The following HDAC4 variants were observed in gnomAD, a reference collection of about 807,000 sequenced individuals.
HDAC4 encodes histone deacetylase A.
In HDAC4, 16 loss-of-function variants were observed where a neutral mutation model predicts 135.1. The observed-to-expected ratio is 0.12, with a 90% CI of 0.08 to 0.18. The LOEUF (loss-of-function observed/expected upper bound fraction) is 0.18, where lower values mean the gene tolerates loss of function less well. Ranked by LOEUF, HDAC4 falls within the 10% of genes least tolerant of loss-of-function variation. HDAC4 has a pLI of 1.00. For missense variants in HDAC4, 1,143 were observed against 1,511.8 expected (o/e 0.76, Z 4.05); for synonymous variants, 685 against 653.4 (o/e 1.05, Z -0.74).
rs183883328 is a variant in HDAC4, at chr2:239,353,682, C to A, written c.-219-764G>T. 3.9e-5 allele frequency among the ~76,000 whole-genome samples: 6 copies of A among 152,324 alleles called. No homozygotes were observed. The East Asian group carries it at 1.2e-3, about 29-fold the overall frequency. On this transcript the variant is annotated intron_variant, in intron 1 of 26. Coordinates refer to ENST00000543185, the MANE Select transcript of HDAC4 (RefSeq NM_001378414.1). The stretch of plus-strand genomic sequence containing the variant: ...TGATCTAGAGACACCTTCCTTACCC[C>A]TTCCAGAAGTTTCTCCAACATTAGG...
rs144174960 is a variant in HDAC4 at position 239,331,096 on chromosome 2, A to G, written c.22+21582T>C. On this transcript the variant is annotated intron_variant, in intron 2 of 26. Coordinates refer to ENST00000543185, the MANE Select transcript of HDAC4 (RefSeq NM_001378414.1). The surrounding 1 kb of genome is among the most constrained non-coding windows in gnomAD (Gnocchi z 4.5). ...TGAATACAGCCCAGAGGACATACTG[A>G]GAGAGCGGCCAAGTGAAGCTCTCAG... Among the ~76,000 whole-genome samples the G allele has an allele frequency of 4.0e-3, 602 of 152,330 alleles. 4 individuals are homozygous for G. Among genetic ancestry groups the G allele is most frequent in the African/African-American group, 0.014 (571 of 41,572 alleles).
chr2:239,355,657 C>G (rs549263638), intron 1 of HDAC4, among the ~76,000 whole-genome samples: 8 of 152,310 alleles, frequency 5.3e-5, no homozygotes, highest in African/African-American at 1.7e-4. Flanking sequence ...TTTCCCTCTT[C>G]CATACATTCT....
At chr2:239,170,203 A>G (rs574841714) in intron 5 of HDAC4, among the ~76,000 whole-genome samples, 2 of 152,258 alleles carry the variant, frequency 1.3e-5, no homozygotes, top group Non-Finnish European at 1.5e-5. Context: ...TAGGAAAAAT[A>G]TATCTAGTCT....
intron 2 of HDAC4, among the ~76,000 whole-genome samples, chr2:239,311,381 C>T (rs537586861): frequency 4.6e-4 from 70 of 152,294 alleles, no homozygotes; most frequent in African/African-American, 1.6e-3. Flanking sequence ...ATTTGTCAAG[C>T]GCCGAGCAAA....
intron 1 of HDAC4, among the ~76,000 whole-genome samples, chr2:239,385,882 C>A (rs73106709): frequency 6.6e-6 from 1 of 152,158 alleles, no homozygotes; most frequent in Non-Finnish European, 1.5e-5. Context: ...CCAAGACAGT[C>A]TCCTACAGCT....
intron 2 of HDAC4, among the ~76,000 whole-genome samples, chr2:239,321,986 G>A (rs927665109): frequency 2.0e-5 from 3 of 152,210 alleles, no homozygotes; most frequent in Non-Finnish European, 4.4e-5. Flanking sequence ...TTGTTTAAGC[G>A]GAAGTACACT....
At chr2:239,384,570 T>C (rs921247110) in intron 1 of HDAC4, among the ~76,000 whole-genome samples, 11 of 152,094 alleles carry the variant, frequency 7.2e-5, no homozygotes, top group Admixed American at 5.2e-4. Flanking sequence ...TGAGCCATGA[T>C]TGTCCCACTG....
At chr2:239,298,610 A>T in intron 2 of HDAC4, 1 of 998,720 alleles carries the variant, frequency 1.0e-6, no homozygotes, top group Non-Finnish European at 1.2e-6. Context: ...ACACAGGATC[A>T]GCAGTGATAG....
chr2:239,070,458 A>G (rs2152620287), intron 22 of HDAC4, among the ~76,000 whole-genome samples: 1 of 152,392 alleles, frequency 6.6e-6, no homozygotes, highest in Middle Eastern at 3.4e-3. Context: ...AGTGTGTGCT[A>G]TGAATCCATG....
chr2:239,218,775 A>G (rs1382492137), intron 3 of HDAC4, among the ~76,000 whole-genome samples: 7 of 141,842 alleles, frequency 4.9e-5, no homozygotes, highest in African/African-American at 1.8e-4. Context: ...TTTACAAGAA[A>G]AAAACAAACA....
chr2:239,340,547 C>G (rs1448242058), intron 2 of HDAC4, among the ~76,000 whole-genome samples: 2 of 152,182 alleles, frequency 1.3e-5, no homozygotes, highest in African/African-American at 4.8e-5. Flanking sequence ...CTTAGAGATG[C>G]CTCTGTACCC....
chr2:239,298,619 A>G, intron 2 of HDAC4: 1 of 994,528 alleles, frequency 1.0e-6, no homozygotes, highest in Non-Finnish European at 1.2e-6. Context: ...CAGCAGTGAT[A>G]GGAACAGCCT....
At chr2:239,347,248 C>T (rs1692785417) in intron 2 of HDAC4, among the ~76,000 whole-genome samples, 2 of 152,118 alleles carry the variant, frequency 1.3e-5, no homozygotes, top group Admixed American at 6.5e-5. Flanking sequence ...TAAACAGATT[C>T]AAGATCAAAT....
intron 16 of HDAC4, among the ~76,000 whole-genome samples, chr2:239,099,442 T>G (rs1288800214): frequency 6.6e-6 from 1 of 152,228 alleles, no homozygotes; most frequent in Non-Finnish European, 1.5e-5. Flanking sequence ...GGCAAAGATC[T>G]TGTCCCCTCA....
chr2:239,374,384 G>A (rs976857620), intron 1 of HDAC4, among the ~76,000 whole-genome samples: 2 of 112,690 alleles, frequency 1.8e-5, no homozygotes, highest in Non-Finnish European at 3.7e-5. Flanking sequence ...TAGAAAACAA[G>A]GCTTTTTTTT....
intron 1 of HDAC4, among the ~76,000 whole-genome samples, chr2:239,374,590 A>G (rs962418828): frequency 2.7e-5 from 4 of 150,488 alleles, no homozygotes; most frequent in African/African-American, 9.8e-5. Flanking sequence ...TTTTTAGTAG[A>G]GACGGGGTTT....
chr2:239,164,734 G>C (rs1475511315), intron 5 of HDAC4, among the ~76,000 whole-genome samples: 1 of 152,204 alleles, frequency 6.6e-6, no homozygotes, highest in Admixed American at 6.5e-5. Flanking sequence ...GGTGAGTGAA[G>C]CATGTTTACA....
At chr2:239,056,072 G>A (rs1234664402) in intron 24 of HDAC4, among the ~76,000 whole-genome samples, 1 of 152,232 alleles carries the variant, frequency 6.6e-6, no homozygotes. Flanking sequence ...CACTGGGAGT[G>A]GACAGCTACT....
At chr2:239,142,151 T>A (rs559710145) in intron 8 of HDAC4, among the ~76,000 whole-genome samples, 1 of 152,150 alleles carries the variant, frequency 6.6e-6, no homozygotes, top group African/African-American at 2.4e-5. Context: ...CTGGACAGAG[T>A]GCGTATGGGA....
Sources: allele counts gnomAD v4.1 joint callset (sites outside exome capture counted in the v4.1 genomes callset), GRCh38; gene constraint gnomAD v4.1.1; non-coding constraint Gnocchi (gnomAD v3.1); transcripts MANE v1.5; gene names NCBI Gene and HGNC (gene_info 2026-07-23, HGNC 2026-07-21).